HTR2C: variants seen among roughly 807,000 people sequenced by gnomAD.
HTR2C encodes 5-hydroxytryptamine receptor 2C.
In HTR2C, 5 loss-of-function variants were observed where a neutral mutation model predicts 21.0. The ratio of observed to expected loss-of-function variants is 0.24; its 90% CI spans 0.12 to 0.50. The LOEUF is 0.50. Ranked by LOEUF, HTR2C falls within the 20% of genes least tolerant of loss-of-function variation. The probability of loss-of-function intolerance (pLI) is 0.98; values close to 1 mark genes in which losing one functional copy is unlikely to be tolerated. For synonymous variants in HTR2C, 150 were observed against 145.3 expected (o/e 1.03, Z -0.23); for missense variants, 271 against 371.2 (o/e 0.73, Z 2.22).
chrX:114,743,549 C>T (rs945999051), intron 4 of HTR2C, among the ~76,000 whole-genome samples: 1 of 111,185 alleles, frequency 9.0e-6, no homozygotes, highest in Non-Finnish European at 1.9e-5. Flanking sequence ...GAAGATGAAT[C>T]GATAGAAATT....
chrX:114,780,312 G>A (rs1379376382), intron 4 of HTR2C, among the ~76,000 whole-genome samples: 1 of 111,350 alleles, frequency 9.0e-6, no homozygotes, highest in African/African-American at 3.3e-5. Context: ...AAGTATCAAA[G>A]AGCTCACATG....
intron 5 of HTR2C, among the ~76,000 whole-genome samples, chrX:114,882,111 T>C (rs1225336545): frequency 9.0e-6 from 1 of 110,945 alleles, no homozygotes; most frequent in Admixed American, 9.6e-5. Flanking sequence ...TCAATTATAT[T>C]ATAAACTGAA....
At chrX:114,639,880 T>A (rs1930026640) in intron 2 of HTR2C, among the ~76,000 whole-genome samples, 1 of 111,653 alleles carries the variant, frequency 9.0e-6, no homozygotes, top group Non-Finnish European at 1.9e-5. Context: ...GTAAGAAGAT[T>A]AATATATTAT....
chrX:114,812,350 C>T (rs1046520636), intron 4 of HTR2C, among the ~76,000 whole-genome samples: 1 of 111,218 alleles, frequency 9.0e-6, no homozygotes, highest in African/African-American at 3.3e-5. Flanking sequence ...ACTTAACAAA[C>T]GAACATTATG....
In HTR2C at chrX:114,907,073, C is replaced by G. The variant is rs782093511; in HGVS notation, c.1035C>G (p.Leu345=). 3 of 1,210,808 alleles carry G rather than the reference C, an allele frequency of 2.5e-6. No individual in the cohort carries two copies. In the Admixed American group the frequency reaches 6.5e-5, roughly 26 times the overall value. ...VLCEKSCNQK[L]MEKLLNVFVW... is the part of the protein sequence containing the mutation. ...GTGAGAAGTCCTGTAACCAAAAGCT[C>G]ATGGAAAAGCTTCTGAATGTGTTTG... The change falls in exon 6 of 6, where the codon CTC becomes CTG. Residue 345 remains leucine (L), a synonymous_variant. Transcript: ENST00000276198.
At chrX:114,656,843 A>G (rs1272116569) in intron 2 of HTR2C, among the ~76,000 whole-genome samples, 1 of 110,731 alleles carries the variant, frequency 9.0e-6, no homozygotes, top group African/African-American at 3.3e-5. Flanking sequence ...TGAAGATTTC[A>G]TTTCACTTCA....
chrX:114,769,995 T>C, intron 4 of HTR2C, among the ~76,000 whole-genome samples: 1 of 111,893 alleles, frequency 8.9e-6, no homozygotes. Context: ...ATAGAATTCT[T>C]GGTAGACAGT....
intron 5 of HTR2C, among the ~76,000 whole-genome samples, chrX:114,875,189 G>A (rs2071124013): frequency 9.0e-6 from 1 of 111,019 alleles, no homozygotes; most frequent in African/African-American, 3.3e-5. Flanking sequence ...TTTCATTCAT[G>A]AGGGATCTGC....
At chrX:114,611,945 C>T (rs1346618236) in intron 1 of HTR2C, among the ~76,000 whole-genome samples, 2 of 110,512 alleles carry the variant, frequency 1.8e-5, no homozygotes, top group Admixed American at 1.9e-4. Context: ...GATCCTCCTG[C>T]CTTGGCCTCC....
intron 1 of HTR2C, among the ~76,000 whole-genome samples, chrX:114,609,019 T>A (rs781853486): frequency 5.1e-4 from 57 of 112,070 alleles, no homozygotes; most frequent in African/African-American, 1.7e-3. Context: ...TTACACTTAT[T>A]CAGAGGATTT....
At chrX:114,833,911 C>T (rs782679575) in intron 4 of HTR2C, among the ~76,000 whole-genome samples, 7 of 107,919 alleles carry the variant, frequency 6.5e-5, no homozygotes, top group African/African-American at 2.0e-4. Flanking sequence ...TCTTTGTTCT[C>T]GTTGGTTTCA....
chrX:114,694,386 C>T (rs1238997473), intron 2 of HTR2C, among the ~76,000 whole-genome samples: 1 of 69,544 alleles, frequency 1.4e-5, no homozygotes, highest in Non-Finnish European at 2.9e-5. Flanking sequence ...CGTTATGAAA[C>T]CATGGATTAT....
intron 2 of HTR2C, among the ~76,000 whole-genome samples, chrX:114,667,907 C>T (rs1433522781): frequency 8.9e-5 from 10 of 111,752 alleles, no homozygotes; most frequent in Non-Finnish European, 1.7e-4. Context: ...TCATTTAATG[C>T]TTGCATTAAA....
Position 114,878,876 on chromosome X carries a change from A to T in HTR2C, c.551-27713A>T, listed in dbSNP as rs782513773. Among the ~76,000 whole-genome samples the T allele has an allele frequency of 2.4e-4, 26 of 107,876 alleles. No homozygotes were observed. The South Asian group carries it at 6.7e-3, about 28-fold the overall frequency. The allele number at this position is 107,876 out of a possible 115,157, so 93.7% of individuals were successfully genotyped here. The stretch of plus-strand genomic sequence containing the variant: ...TGATTTCAATCCCTTTTAGAACATA[A>T]TTTTTTAGAATTGTTTTGCATCCCA... On this transcript the variant is annotated intron_variant, in intron 5 of 5. Coordinates refer to ENST00000276198, the MANE Select transcript of HTR2C (RefSeq NM_000868.4).
intron 4 of HTR2C, among the ~76,000 whole-genome samples, chrX:114,806,885 A>ATATATACCATATATACACACACCATATG (rs1556450214): frequency 2.0e-5 from 2 of 101,753 alleles, no homozygotes; most frequent in African/African-American, 7.1e-5. Context: ...TATACACCAT[A>ATATATACCATATATACACACACCATATG]TATATACCAT....
At chrX:114,655,551 T>G (rs1930752178) in intron 2 of HTR2C, among the ~76,000 whole-genome samples, 1 of 112,141 alleles carries the variant, frequency 8.9e-6, no homozygotes. Flanking sequence ...TTTTGGCACA[T>G]GCCATTTAAG....
In HTR2C at chrX:114,611,708, C is replaced by CT. The variant is rs781861864; in HGVS notation, c.-146-2100dup. Among the ~76,000 whole-genome samples the CT allele has an allele frequency of 5.4e-5, 6 of 110,652 alleles. No homozygotes were observed. In the East Asian group the frequency reaches 1.4e-3, roughly 26 times the overall value. On this transcript the variant is annotated intron_variant, in intron 1 of 5. Transcript: ENST00000276198. The stretch of plus-strand genomic sequence containing the variant: ...AGTTGTGGTTTTTTTTAGTTTTTTT[C>CT]TTTTTTTGAGACGGAGTCTCGCTCT...
intron 2 of HTR2C, among the ~76,000 whole-genome samples, chrX:114,724,611 T>C (rs1365276191): frequency 2.0e-4 from 19 of 94,201 alleles, no homozygotes; most frequent in African/African-American, 6.6e-4. Context: ...TTCCTAGTCT[T>C]GATGGTCTTT....
chrX:114,603,236 G>A (rs1430704230), intron 1 of HTR2C, among the ~76,000 whole-genome samples: 1 of 113,171 alleles, frequency 8.8e-6, no homozygotes, highest in African/African-American at 3.2e-5. Context: ...AGTGAGTATA[G>A]CTGAAGGAGC....
Sources: gnomAD v4.1 joint callset for allele counts (sites outside exome capture counted in the v4.1 genomes callset) on GRCh38, gnomAD v4.1.1 for gene constraint, MANE v1.5 for transcripts, NCBI Gene and HGNC (gene_info 2026-07-23, HGNC 2026-07-21) for gene names.